The following DAB1 variants were observed in gnomAD, a reference collection of about 807,000 sequenced individuals.
DAB1 encodes the protein disabled homolog 1.
A neutral mutation model predicts 64.6 loss-of-function variants in DAB1; 15 were observed. The ratio of observed to expected loss-of-function variants is 0.23; its 90% CI spans 0.16 to 0.36. The LOEUF is 0.36. Ranked by LOEUF, DAB1 falls within the 10% of genes least tolerant of loss-of-function variation. The probability of loss-of-function intolerance (pLI) is 1.00; values close to 1 mark genes in which losing one functional copy is unlikely to be tolerated. For synonymous variants in DAB1, 235 were observed against 251.9 expected, an observed-to-expected ratio of 0.93 and a Z score of 0.64; for missense variants, 596 against 706.7, an observed-to-expected ratio of 0.84 and a Z score of 1.78.
chr1:57,532,127 C>A (rs888298414), intron 7 of DAB1, among the ~76,000 whole-genome samples: 2 of 152,092 alleles, frequency 1.3e-5, no homozygotes, highest in African/African-American at 4.8e-5. Flanking sequence ...TAGGTTTAAA[C>A]TGAATTCAGT....
At chr1:58,464,045 G>A (rs1468397024) in intron 3 of DAB1, among the ~76,000 whole-genome samples, 5 of 152,356 alleles carry the variant, frequency 3.3e-5, no homozygotes, top group African/African-American at 9.6e-5. Context: ...GACAGGAGGT[G>A]CAGAGCCTGG....
chr1:57,905,517 G>C (rs1217250360), intron 5 of DAB1, among the ~76,000 whole-genome samples: 1 of 152,072 alleles, frequency 6.6e-6, no homozygotes, highest in Non-Finnish European at 1.5e-5. Context: ...GCCAAGATAG[G>C]GACAGGTAGG....
chr1:57,420,822 A>C (rs1410361257), intron 1 of DAB1, among the ~76,000 whole-genome samples: 1 of 152,248 alleles, frequency 6.6e-6, no homozygotes. Flanking sequence ...TAACTCAACC[A>C]CGAGTATTCT....
At chr1:58,526,503 C>G (rs1646351491) in intron 2 of DAB1, among the ~76,000 whole-genome samples, 1 of 149,760 alleles carries the variant, frequency 6.7e-6, no homozygotes, top group African/African-American at 2.5e-5. Context: ...TCAGTTATCA[C>G]AGGTGATTAA....
intron 2 of DAB1, among the ~76,000 whole-genome samples, chr1:57,267,230 G>A (rs946662667): frequency 1.3e-5 from 2 of 151,986 alleles, no homozygotes; most frequent in African/African-American, 2.4e-5. Flanking sequence ...AGTGGCCACC[G>A]AGAGCAGGAA....
chr1:57,900,215 C>T lies in DAB1; in HGVS notation n.388-16053G>A, dbSNP rs560946419. Among the ~76,000 whole-genome samples the T allele has an allele frequency of 7.9e-5, 12 of 152,182 alleles. No individual in the cohort carries two copies. In the South Asian group the frequency reaches 2.3e-3, roughly 29 times the overall value. On this transcript the variant is annotated intron_variant and non_coding_transcript_variant, in intron 5 of 20. Transcript: ENST00000485760. ...TATTGGTTACAGTCTCACGGCATTGCTATTAGGGGAAAATTGCAGGCACTG... is the reference window on the plus strand; with the variant it reads ...TATTGGTTACAGTCTCACGGCATTGTTATTAGGGGAAAATTGCAGGCACTG...
At chr1:58,128,480 C>T (rs1365914402) in intron 5 of DAB1, among the ~76,000 whole-genome samples, 4 of 132,214 alleles carry the variant, frequency 3.0e-5, no homozygotes, top group African/African-American at 9.0e-5. Flanking sequence ...CTGGCCAGAA[C>T]GTCCAACACT....
chr1:57,934,063 TTGTGTGTG>T lies in DAB1; in HGVS notation n.388-49909_388-49902del, dbSNP rs55848780. On this transcript the variant is annotated intron_variant and non_coding_transcript_variant, in intron 5 of 20. Coordinates refer to the DAB1 transcript ENST00000485760. ...GGCGTCCGCCACCAAGCCCAGCTAA[TTGTGTGTG>T]TGTGTGTGTGTGTGTGTGTGTGTGT... 3.7e-3 allele frequency among the ~76,000 whole-genome samples: 470 copies of T among 128,096 alleles called. 2 individuals carry two copies. The highest frequency in any genetic ancestry group is 0.01 in the Admixed American group (125 of 12,472). The allele number at this position is 128,096 out of a possible 152,430, so 84.0% of individuals were successfully genotyped here.
chr1:58,436,840 T>C (rs1644950781), intron 3 of DAB1, among the ~76,000 whole-genome samples: 1 of 152,204 alleles, frequency 6.6e-6, no homozygotes, highest in Non-Finnish European at 1.5e-5. Flanking sequence ...GGGTGAATGG[T>C]ATTGCTACCC....
downstream of DAB1, among the ~76,000 whole-genome samples, chr1:57,824,576 T>A (rs748980324): frequency 6.6e-6 from 1 of 152,158 alleles, no homozygotes; most frequent in South Asian, 2.1e-4. Context: ...GGATTTATAT[T>A]TGACCTCACC....
At chr1:58,497,166 C>A (rs1168223898) in intron 3 of DAB1, among the ~76,000 whole-genome samples, 1 of 152,098 alleles carries the variant, frequency 6.6e-6, no homozygotes, top group African/African-American at 2.4e-5. Context: ...TCAAGTTAAT[C>A]CAGAATCTAC....
At chr1:57,011,490 G>T (rs1393547326) in intron 12 of DAB1, among the ~76,000 whole-genome samples, 6 of 152,146 alleles carry the variant, frequency 3.9e-5, no homozygotes, top group Non-Finnish European at 7.4e-5. Flanking sequence ...CACACTGATA[G>T]GTAAGGCAGT....
At chr1:57,635,168 G>C (rs1285833149) in intron 7 of DAB1, among the ~76,000 whole-genome samples, 2 of 152,144 alleles carry the variant, frequency 1.3e-5, no homozygotes, top group African/African-American at 4.8e-5. Flanking sequence ...AAATTCACAA[G>C]TTTAAGCCCC....
chr1:58,511,578 G>A (rs1472434547), intron 2 of DAB1, among the ~76,000 whole-genome samples: 3 of 152,012 alleles, frequency 2.0e-5, no homozygotes, highest in Admixed American at 2.0e-4. Context: ...AGAGTAAGCT[G>A]TGATCACATC....
intron 5 of DAB1, among the ~76,000 whole-genome samples, chr1:58,040,519 G>C (rs1231910895): frequency 6.6e-6 from 1 of 152,098 alleles, no homozygotes; most frequent in African/African-American, 2.4e-5. Context: ...AAAGCAGTTT[G>C]ATTCTGTAAT....
intron 3 of DAB1, among the ~76,000 whole-genome samples, chr1:58,441,394 T>C (rs1645006443): frequency 6.6e-6 from 1 of 152,176 alleles, no homozygotes; most frequent in African/African-American, 2.4e-5. Context: ...CTACATACAG[T>C]GTAGCTCTTG....
At chr1:58,506,074 T>C (rs764172736) in exon 3 of DAB1, 1 of 870,936 alleles carries the variant, frequency 1.1e-6, no homozygotes, top group South Asian at 1.3e-5. Flanking sequence ...GGTATAAGTC[T>C]ATCCAAGTAC....
chr1:58,406,996 G>A (rs1228138696), intron 3 of DAB1, among the ~76,000 whole-genome samples: 1 of 152,158 alleles, frequency 6.6e-6, no homozygotes, highest in Non-Finnish European at 1.5e-5. Context: ...TGTTATCATT[G>A]CCAGTAGCAG....
Position 58,120,125 on chromosome 1 carries a change from A to G in DAB1, n.387+30386T>C, listed in dbSNP as rs1404910970. Reference sequence around the variant, plus strand: ...GAGATATCAACTTGAAAGGTAATGTAGTGAGGTGGAATCTGGACTTCCTGT... The same window carrying G: ...GAGATATCAACTTGAAAGGTAATGTGGTGAGGTGGAATCTGGACTTCCTGT... On this transcript the variant is annotated intron_variant and non_coding_transcript_variant, in intron 5 of 20. Coordinates refer to the DAB1 transcript ENST00000485760. Among the ~76,000 whole-genome samples the G allele has an allele frequency of 5.3e-5, 8 of 152,320 alleles. No homozygotes were observed. The South Asian group carries it at 6.2e-4, about 12-fold the overall frequency.
Sources: allele counts gnomAD v4.1 joint callset (sites outside exome capture counted in the v4.1 genomes callset), GRCh38; gene constraint gnomAD v4.1.1; transcripts MANE v1.5; gene names NCBI Gene and HGNC (gene_info 2026-07-23, HGNC 2026-07-21).